AP1S3: variants seen among roughly 807,000 people sequenced by gnomAD.
AP1S3 encodes the protein adaptor related protein complex 1 subunit sigma 3, also known as AP-1 complex subunit sigma-3.
AP1S3 carries 10 observed loss-of-function variants against 20.9 expected under a neutral mutation model. The observed-to-expected ratio is 0.48, with a 90% CI of 0.29 to 0.81. The LOEUF (loss-of-function observed/expected upper bound fraction) is 0.81, where lower values mean the gene tolerates loss of function less well. AP1S3 is among the 30% of genes least tolerant of loss of function. AP1S3 has a pLI of 0.08. For synonymous variants in AP1S3, 41 were observed against 61.5 expected, an observed-to-expected ratio of 0.67 and a Z score of 1.56; for missense variants, 154 against 183.8, an observed-to-expected ratio of 0.84 and a Z score of 0.94.
intron 1 of AP1S3, among the ~76,000 whole-genome samples, chr2:223,801,858 G>T (rs1395138795): frequency 6.6e-6 from 1 of 152,140 alleles, no homozygotes; most frequent in African/African-American, 2.4e-5. Flanking sequence ...AGACTAAGAA[G>T]AAATAAAAAT....
At chr2:223,809,198 T>C (rs1379423587) in intron 1 of AP1S3, among the ~76,000 whole-genome samples, 3 of 152,250 alleles carry the variant, frequency 2.0e-5, no homozygotes. Context: ...TGCAAGGCCA[T>C]ACTCAACATG....
intron 4 of AP1S3, among the ~76,000 whole-genome samples, chr2:223,762,848 C>A (rs1306249721): frequency 6.6e-6 from 1 of 152,006 alleles, no homozygotes; most frequent in Non-Finnish European, 1.5e-5. Context: ...TGAAGATTGA[C>A]AGCTGTTCTC....
At chr2:223,807,411 A>C (rs1006169029) in intron 1 of AP1S3, among the ~76,000 whole-genome samples, 2 of 152,208 alleles carry the variant, frequency 1.3e-5, no homozygotes, top group East Asian at 3.8e-4. Context: ...ACTCAATAAA[A>C]TAGGGCTTTG....
At chr2:223,812,640 G>C (rs1691759730) in intron 1 of AP1S3, among the ~76,000 whole-genome samples, 1 of 152,048 alleles carries the variant, frequency 6.6e-6, no homozygotes, top group African/African-American at 2.4e-5. Flanking sequence ...GGAAACTTTA[G>C]TTCTGAAAAA....
intron 1 of AP1S3, among the ~76,000 whole-genome samples, chr2:223,797,869 T>C (rs1389030112): frequency 6.6e-6 from 1 of 152,242 alleles, no homozygotes; most frequent in Admixed American, 6.5e-5. Flanking sequence ...CAGGCCTCAT[T>C]TGAGGCTGCT....
Position 223,837,501 on chromosome 2 carries a change from A to T in AP1S3, c.-51T>A. ...CCTTGCGAGCAAGGAGCGCTGGAGA[A>T]GCGAGGGCGAGAGGCGAGCGCTGGA... is the stretch of plus-strand genomic sequence containing the variant. On this transcript the variant is annotated 5_prime_UTR_variant, in exon 1 of 5. Coordinates refer to ENST00000396654, the MANE Select transcript of AP1S3 (RefSeq NM_001039569.2). 8.0e-7 allele frequency: 1 copy of T among 1,242,998 alleles called. No homozygotes were observed. The highest frequency in any genetic ancestry group is 1.0e-6 in the Non-Finnish European group (1 of 984,744). The allele number at this position is 1,242,998 out of a possible 1,614,324, so 77.0% of individuals were successfully genotyped here.
intron 1 of AP1S3, among the ~76,000 whole-genome samples, chr2:223,811,590 G>T (rs1691731131): frequency 6.6e-6 from 1 of 150,954 alleles, no homozygotes; most frequent in Non-Finnish European, 1.5e-5. Flanking sequence ...AAGAAAAAAA[G>T]AAATATCTAT....
In AP1S3 at chr2:223,835,296, A is replaced by G. The variant is rs556619081; in HGVS notation, c.3+2152T>C. Among the ~76,000 whole-genome samples, 8 of 152,364 alleles carry G rather than the reference A, an allele frequency of 5.3e-5. No homozygotes were observed. The East Asian group carries it at 1.3e-3, about 26-fold the overall frequency. ...TTAACCTCAATTGTTTGTTGCAAGG[A>G]TTGAATGAGATCGTGAATATAAAGA... On this transcript the variant is annotated intron_variant, in intron 1 of 4. Coordinates refer to ENST00000396654, the MANE Select transcript of AP1S3 (RefSeq NM_001039569.2).
chr2:223,813,500 G>A lies in AP1S3; in HGVS notation c.3+23948C>T, dbSNP rs193192526. ...TTCCATCTTTTAAAATGTGGTAACT[G>A]AGGATCAGAGAGATTAAGTAATTTG... On this transcript the variant is annotated intron_variant, in intron 1 of 4. Transcript: ENST00000396654. 1.5e-3 allele frequency among the ~76,000 whole-genome samples: 234 copies of A among 152,298 alleles called. 1 individual carries two copies. The highest frequency in any genetic ancestry group is 5.4e-3 in the African/African-American group (224 of 41,572).
At chr2:223,802,586 T>C (rs1370570789) in intron 1 of AP1S3, among the ~76,000 whole-genome samples, 1 of 152,142 alleles carries the variant, frequency 6.6e-6, no homozygotes, top group Admixed American at 6.6e-5. Context: ...ATTACAGGTG[T>C]GAGCCACCAC....
At chr2:223,769,860 T>G (rs1392179946) in intron 3 of AP1S3, among the ~76,000 whole-genome samples, 1 of 145,534 alleles carries the variant, frequency 6.9e-6, no homozygotes, top group Non-Finnish European at 1.5e-5. Context: ...TTCTCCTGCC[T>G]CAGCCTCCCG....
chr2:223,776,275 T>C (rs1690782565), intron 2 of AP1S3: 3 of 499,256 alleles, frequency 6.0e-6, no homozygotes, highest in South Asian at 1.8e-5. Flanking sequence ...AGGAGGACAG[T>C]ATCCTTTCGC....
At chr2:223,770,469 A>G (rs1273549698) in intron 3 of AP1S3, 4 of 1,096,706 alleles carry the variant, frequency 3.6e-6, no homozygotes, top group Non-Finnish European at 5.0e-6. Context: ...AGGGTAAGGT[A>G]AGGTGGTATT....
intron 1 of AP1S3, among the ~76,000 whole-genome samples, chr2:223,806,018 A>G (rs1032793795): frequency 6.6e-6 from 1 of 152,190 alleles, no homozygotes; most frequent in African/African-American, 2.4e-5. Flanking sequence ...ACTAAAAAGA[A>G]CATCAGACTC....
At position 223,828,271 on chromosome 2, in the gene AP1S3, C is replaced by T. The variant is rs924958638; in HGVS notation, c.3+9177G>A. ...CTCACACAGGGCCCTGGGGTCATTC[C>T]CCTCACCACATTCTCCTCTCTCTCT... On this transcript the variant is annotated intron_variant, in intron 1 of 4. Coordinates refer to ENST00000396654, the MANE Select transcript of AP1S3 (RefSeq NM_001039569.2). Among the ~76,000 whole-genome samples, 8 of 150,764 alleles carry T rather than the reference C, an allele frequency of 5.3e-5. No individual in the cohort carries two copies. In the South Asian group the frequency reaches 1.7e-3, roughly 32 times the overall value.
chr2:223,831,867 G>A (rs1692266303), intron 1 of AP1S3, among the ~76,000 whole-genome samples: 1 of 152,140 alleles, frequency 6.6e-6, no homozygotes, highest in South Asian at 2.1e-4. Context: ...ACGAGGTCAG[G>A]AGATCAAGAC....
At position 223,758,238 on chromosome 2, in the gene AP1S3, T is replaced by C; in HGVS notation, c.*477A>G. The C allele has an allele frequency of 3.1e-6, 3 of 979,700 alleles. No individual in the cohort carries two copies. Among genetic ancestry groups the C allele is most frequent in the Non-Finnish European group, 2.4e-6 (2 of 824,292 alleles). 60.7% of individuals were successfully genotyped at this position (979,700 alleles called of 1,614,324 possible). A position where few individuals can be genotyped will look rare whatever the true frequency, so the allele number is the denominator to read the frequency against. ...TAAGTGTATGAAAAATGTCTAGCAT[T>C]ACATATAAACTCTGCACTATTAACA... On this transcript the variant is annotated 3_prime_UTR_variant, in exon 5 of 5. Transcript: ENST00000396654.
intron 1 of AP1S3, among the ~76,000 whole-genome samples, chr2:223,798,134 G>T (rs1209484993): frequency 6.6e-6 from 1 of 152,086 alleles, no homozygotes; most frequent in Non-Finnish European, 1.5e-5. Context: ...AGGTTTCCAT[G>T]ATAAATGAGA....
chr2:223,819,228 G>C (rs372146624), intron 1 of AP1S3, among the ~76,000 whole-genome samples: 11 of 152,332 alleles, frequency 7.2e-5, no homozygotes, highest in African/African-American at 2.4e-4. Context: ...TATGTGCAGA[G>C]AGATTTAACA....
Sources: gnomAD v4.1 joint callset for allele counts (sites outside exome capture counted in the v4.1 genomes callset) on GRCh38, gnomAD v4.1.1 for gene constraint, MANE v1.5 for transcripts, NCBI Gene and HGNC (gene_info 2026-07-23, HGNC 2026-07-21) for gene names.